TSPAN1: variants seen among roughly 807,000 people sequenced by gnomAD.
TSPAN1 encodes the protein tetraspanin-1.
TSPAN1 carries 23 observed loss-of-function variants against 26.9 expected under a neutral mutation model. The ratio of observed to expected loss-of-function variants is 0.85; its 90% CI spans 0.62 to 1.21. TSPAN1 has a LOEUF of 1.21. Ranked by LOEUF, TSPAN1 falls within the 50% of genes most tolerant of loss-of-function variation. The pLI, the probability that TSPAN1 is intolerant of heterozygous loss-of-function variation, is 0.00. For synonymous variants in TSPAN1, 115 were observed against 114.8 expected (o/e 1.00, Z -0.01); for missense variants, 283 against 298.4 (o/e 0.95, Z 0.38).
At chr1:46,176,004 C>G (rs746562130) in intron 1 of TSPAN1, among the ~76,000 whole-genome samples, 10 of 152,160 alleles carry the variant, frequency 6.6e-5, no homozygotes, top group Non-Finnish European at 1.3e-4. Context: ...TCCCAAGTAG[C>G]TGGGACTAAA....
chr1:46,185,797 C>CTATTAAA lies in TSPAN1; in HGVS notation c.*265_*271dup. ...CAGTTCTGTTGCCCATTCCCCCAGT[C>CTATTAAA]TATTAAACCCTTGATATGCCCCCTA... On this transcript the variant is annotated 3_prime_UTR_variant, in exon 9 of 9. Transcript: ENST00000372003. 1 of 565,182 alleles carries CTATTAAA rather than the reference C, an allele frequency of 1.8e-6. No homozygotes were observed. Among genetic ancestry groups the CTATTAAA allele is most frequent in the South Asian group, 2.0e-5 (1 of 48,826 alleles). 35.0% of individuals were successfully genotyped at this position (565,182 alleles called of 1,614,324 possible).
chr1:46,196,032 T>G, the TSPAN1 span: 1 of 1,614,004 alleles, frequency 6.2e-7, no homozygotes, highest in Non-Finnish European at 8.5e-7. This position sits in a 1 kb window ranked among gnomAD's most constrained non-coding sequence, Gnocchi z 4.4. Flanking sequence ...TTGAGGACAA[T>G]GACATGGATG....
At chr1:46,176,217 C>T (rs1657153117) in intron 1 of TSPAN1, 1 of 1,534,762 alleles carries the variant, frequency 6.5e-7, no homozygotes, top group Non-Finnish European at 8.7e-7. Flanking sequence ...CTCACAGGCC[C>T]CCTGGCTAAC....
At chr1:46,194,205 A>C in the TSPAN1 span, 1 of 1,613,258 alleles carries the variant, frequency 6.2e-7, no homozygotes, top group African/African-American at 1.3e-5. Flanking sequence ...CCCAACCTAG[A>C]TCATTCCTGG....
rs761539230 is a variant in TSPAN1, at chr1:46,184,680, G to A, written c.339+12G>A. The A allele has an allele frequency of 4.3e-6, 7 of 1,614,048 alleles. No homozygotes were observed. In the Admixed American group the frequency reaches 8.3e-5, roughly 19 times the overall value. On this transcript the variant is annotated intron_variant, in intron 5 of 8. Transcript: ENST00000372003. ...TGTACACCACAATGGTGAGACACTG[G>A]GATGGAGGAAGGGAAGAAGATTGGG...
chr1:46,176,266 T>C, intron 1 of TSPAN1: 2 of 1,535,754 alleles, frequency 1.3e-6, no homozygotes, highest in African/African-American at 1.4e-5. Context: ...GGTGTCAGTG[T>C]GGGTGTTGTT....
chr1:46,184,700 A>G (rs760601622), intron 5 of TSPAN1, 32 bp downstream of exon 5: 2 of 1,614,064 alleles, frequency 1.2e-6, no homozygotes, highest in Non-Finnish European at 1.7e-6. Context: ...AGGGAAGAAG[A>G]TTGGGCAAAA....
intron 1 of TSPAN1, chr1:46,176,377 GGAA>G: frequency 6.5e-7 from 1 of 1,535,746 alleles, no homozygotes; most frequent in Non-Finnish European, 8.7e-7. Context: ...GAACATCCTG[GGAA>G]ATCGGGGCCT....
the TSPAN1 span, chr1:46,194,319 T>A: frequency 2.5e-6 from 4 of 1,614,200 alleles, no homozygotes; most frequent in Non-Finnish European, 3.4e-6. Flanking sequence ...TGCAGCTGCA[T>A]ACACTTCCAT....
In TSPAN1 at chr1:46,185,642, G is replaced by T; in HGVS notation, c.*109G>T. ...GACAGGATCTAACAATGTCACTTGGGCCAGAATGGACCTGCCCTTTCTGCT... is the reference window on the plus strand; with the variant it reads ...GACAGGATCTAACAATGTCACTTGGTCCAGAATGGACCTGCCCTTTCTGCT... On this transcript the variant is annotated 3_prime_UTR_variant, in exon 9 of 9. Transcript: ENST00000372003. 7.7e-7 allele frequency: 1 copy of T among 1,299,020 alleles called. No individual in the cohort carries two copies. The highest frequency in any genetic ancestry group is 1.1e-6 in the Non-Finnish European group (1 of 913,702). 80.5% of individuals were successfully genotyped at this position (1,299,020 alleles called of 1,614,324 possible).
At chr1:46,183,997 TGGTCCTAGCTATGC>T in intron 3 of TSPAN1, 180 bp from the exon 4 acceptor site, 1 of 622,448 alleles carries the variant, frequency 1.6e-6, no homozygotes, top group Non-Finnish European at 2.8e-6. Context: ...GTGTGCAGCC[TGGTCCTAGCTATGC>T]ATATCCCAGC....
downstream of TSPAN1, among the ~76,000 whole-genome samples, chr1:46,186,625 G>A (rs975732595): frequency 5.4e-5 from 8 of 146,942 alleles, no homozygotes; most frequent in Non-Finnish European, 1.2e-4. Context: ...GAGTAGCTGG[G>A]ATTACAGGCA....
chr1:46,184,442 C>A (rs186909879), intron 4 of TSPAN1, 45 bp downstream of exon 4: 2 of 1,612,324 alleles, frequency 1.2e-6, no homozygotes, highest in African/African-American at 1.3e-5. Context: ...AGAGTCCCCT[C>A]GCCCTTGACA....
chr1:46,190,235 AG>A (rs1380930828), downstream of TSPAN1: 163 of 653,306 alleles, frequency 2.5e-4, 1 homozygote, highest in Middle Eastern at 8.7e-4. Context: ...TAGTAGAGAC[AG>A]GGTTTCACCG....
the TSPAN1 span, chr1:46,192,886 G>A: frequency 1.9e-6 from 3 of 1,614,018 alleles, no homozygotes; most frequent in Admixed American, 5.0e-5. Flanking sequence ...CTGAAACCTA[G>A]AGACTCCCCT....
chr1:46,192,369 C>A, the TSPAN1 span: 2 of 1,614,210 alleles, frequency 1.2e-6, no homozygotes, highest in Non-Finnish European at 1.7e-6. Context: ...CCTGAGCACC[C>A]AGCCCAGCCC....
downstream of TSPAN1, among the ~76,000 whole-genome samples, chr1:46,187,887 G>C (rs1267714857): frequency 6.6e-6 from 1 of 152,208 alleles, no homozygotes; most frequent in Non-Finnish European, 1.5e-5. Flanking sequence ...GCAGAGAGCA[G>C]GCAGGAGGGC....
downstream of TSPAN1, chr1:46,189,616 GA>G: frequency 6.3e-7 from 1 of 1,579,122 alleles, no homozygotes; most frequent in South Asian, 1.1e-5. Flanking sequence ...GAGCTGTAGG[GA>G]GGGGTCACTG....
chr1:46,176,018 G>C (rs183532513), intron 1 of TSPAN1, among the ~76,000 whole-genome samples: 2 of 152,240 alleles, frequency 1.3e-5, no homozygotes, highest in Admixed American at 1.3e-4. Context: ...GACTAAAGGC[G>C]TGTGCCACCA....
Sources: gnomAD v4.1 joint callset for allele counts (sites outside exome capture counted in the v4.1 genomes callset) on GRCh38, gnomAD v4.1.1 for gene constraint, Gnocchi (gnomAD v3.1) non-coding constraint, MANE v1.5 for transcripts, NCBI Gene and HGNC (gene_info 2026-07-23, HGNC 2026-07-21) for gene names.